The following CFAP54 variants were observed in gnomAD, a reference collection of about 807,000 sequenced individuals.
CFAP54 encodes the protein cilia- and flagella-associated protein 54.
A neutral mutation model predicts 370.4 loss-of-function variants in CFAP54; 290 were observed. That is an observed-to-expected ratio of 0.78 (90% confidence interval 0.71 to 0.86). The LOEUF (loss-of-function observed/expected upper bound fraction) is 0.86, where lower values mean the gene tolerates loss of function less well. Ranked by LOEUF, CFAP54 falls within the 40% of genes least tolerant of loss-of-function variation. The pLI is 0.00. For synonymous variants in CFAP54, 1,206 were observed against 1,236.5 expected, an observed-to-expected ratio of 0.98 and a Z score of 0.52; for missense variants, 3,399 against 3,528.7, an observed-to-expected ratio of 0.96 and a Z score of 0.93.
At chr12:96,801,835 A>G (rs1022949925) in intron 63 of CFAP54, among the ~76,000 whole-genome samples, 1 of 152,194 alleles carries the variant, frequency 6.6e-6, no homozygotes, top group Non-Finnish European at 1.5e-5. Context: ...TGCTGCTACA[A>G]ACGTTGTTGT....
At chr12:96,515,912 GTT>G (rs71437221) in intron 5 of CFAP54, among the ~76,000 whole-genome samples, 6 of 108,258 alleles carry the variant, frequency 5.5e-5, no homozygotes, top group African/African-American at 3.7e-5. Context: ...TTACCTCTAT[GTT>G]TTTTTTTTTT....
chr12:96,684,890 C>T (rs1957308850), intron 41 of CFAP54, 139 bp from the exon 42 acceptor site: 3 of 959,868 alleles, frequency 3.1e-6, no homozygotes, highest in Non-Finnish European at 4.7e-6. Flanking sequence ...CTGAGAGAAA[C>T]CATTAAGAAC....
intron 9 of CFAP54, among the ~76,000 whole-genome samples, chr12:96,532,166 T>A (rs1346941627): frequency 6.6e-6 from 1 of 152,270 alleles, no homozygotes; most frequent in African/African-American, 2.4e-5. Flanking sequence ...CTTTTCCATT[T>A]TCTTGCTTCT....
chr12:96,639,571 T>C (rs1004841679), intron 32 of CFAP54, among the ~76,000 whole-genome samples: 1 of 152,174 alleles, frequency 6.6e-6, no homozygotes, highest in Non-Finnish European at 1.5e-5. Flanking sequence ...CCTCCCTAAC[T>C]CATTTTATGA....
chr12:96,492,560 A>G (rs1954896161), intron 1 of CFAP54, among the ~76,000 whole-genome samples: 1 of 152,030 alleles, frequency 6.6e-6, no homozygotes, highest in Non-Finnish European at 1.5e-5. Context: ...TTTCTTGTGT[A>G]TTGTCTGTCT....
chr12:96,703,079 G>T (rs1957508589), intron 46 of CFAP54, among the ~76,000 whole-genome samples: 1 of 151,926 alleles, frequency 6.6e-6, no homozygotes, highest in Non-Finnish European at 1.5e-5. Context: ...TTCAAAGAAG[G>T]GAAAAATTTT....
intron 50 of CFAP54, among the ~76,000 whole-genome samples, chr12:96,727,991 G>A (rs533479793): frequency 6.6e-6 from 1 of 152,086 alleles, no homozygotes; most frequent in South Asian, 2.1e-4. Context: ...CTTTAAGAAT[G>A]TTGAATATTG....
chr12:96,802,957 C>T (rs1016599043), intron 63 of CFAP54, among the ~76,000 whole-genome samples: 9 of 152,132 alleles, frequency 5.9e-5, no homozygotes, highest in Admixed American at 4.6e-4. Flanking sequence ...TGTTAGTTTG[C>T]TGAGAAAATG....
Position 96,751,310 on chromosome 12 carries a change from A to G in CFAP54, c.7685-2433A>G, listed in dbSNP as rs570647407. Among the ~76,000 whole-genome samples the G allele has an allele frequency of 1.1e-4, 16 of 152,270 alleles. No homozygotes were observed. In the East Asian group the frequency reaches 2.5e-3, roughly 24 times the overall value. ...AAGCCAGTCCTCATCTCTGCCCTCAAGAAGCTTATTATCTAGTTAGGGAGG... is the reference window on the plus strand; with the variant it reads ...AAGCCAGTCCTCATCTCTGCCCTCAGGAAGCTTATTATCTAGTTAGGGAGG... On this transcript the variant is annotated intron_variant, in intron 55 of 67. Coordinates refer to ENST00000524981, the MANE Select transcript of CFAP54 (RefSeq NM_001306084.2).
chr12:96,595,579 A>G (rs1956169244), intron 25 of CFAP54, among the ~76,000 whole-genome samples: 1 of 152,138 alleles, frequency 6.6e-6, no homozygotes, highest in Non-Finnish European at 1.5e-5. Flanking sequence ...AAGACTAACT[A>G]GACAGCTTGA....
At chr12:96,696,672 A>T (rs1303409400) in intron 45 of CFAP54, among the ~76,000 whole-genome samples, 2 of 152,154 alleles carry the variant, frequency 1.3e-5, no homozygotes, top group Non-Finnish European at 2.9e-5. Flanking sequence ...GAATGACATG[A>T]TCATATCTGG....
intron 38 of CFAP54, among the ~76,000 whole-genome samples, chr12:96,660,276 G>A (rs1350920821): frequency 6.6e-6 from 1 of 152,174 alleles, no homozygotes; most frequent in Non-Finnish European, 1.5e-5. Flanking sequence ...AAGGGGCATG[G>A]GAGAAAGAGG....
chr12:96,570,026 T>A (rs1361119711), intron 19 of CFAP54, among the ~76,000 whole-genome samples: 1 of 152,210 alleles, frequency 6.6e-6, no homozygotes, highest in East Asian at 1.9e-4. Context: ...TCAGCCTGGC[T>A]GCAGTGCAGT....
At chr12:96,598,492 T>C (rs1267059427) in intron 25 of CFAP54, among the ~76,000 whole-genome samples, 153 bp from the exon 26 acceptor site, 1 of 152,026 alleles carries the variant, frequency 6.6e-6, no homozygotes, top group Non-Finnish European at 1.5e-5. Context: ...TATCTCAGTG[T>C]ACTCTCCTTT....
chr12:96,638,208 T>C (rs565148006), intron 32 of CFAP54, among the ~76,000 whole-genome samples: 13,884 of 91,274 alleles, frequency 0.15, 826 homozygotes, highest in Middle Eastern at 0.27. Flanking sequence ...TATATGCATG[T>C]GTGTGTGTGT....
In CFAP54 at chr12:96,688,904, ATACT is replaced by A. The variant is rs542116568; in HGVS notation, c.6015-5_6015-2del. ...TTCTACTAATCAATTTTTTTTTCTT[ATACT>A]TACTTAGATTTATTAAGTCATTGAA... On this transcript the variant is annotated splice_polypyrimidine_tract_variant and splice_region_variant and intron_variant, in intron 42 of 67. Coordinates refer to ENST00000524981, the MANE Select transcript of CFAP54 (RefSeq NM_001306084.2). 155 of 1,517,934 alleles carry A rather than the reference ATACT, an allele frequency of 1.0e-4. No individual in the cohort carries two copies. Among genetic ancestry groups the A allele is most frequent in the Non-Finnish European group, 1.3e-4 (149 of 1,120,076 alleles). 94.0% of individuals were successfully genotyped at this position (1,517,934 alleles called of 1,614,324 possible). A position where few individuals can be genotyped will look rare whatever the true frequency, so the allele number is the denominator to read the frequency against.
At chr12:96,606,401 G>A (rs535617420) in intron 26 of CFAP54, among the ~76,000 whole-genome samples, 38 of 152,332 alleles carry the variant, frequency 2.5e-4, no homozygotes, top group African/African-American at 7.7e-4. Context: ...AGCCATAGTC[G>A]TGCTTAGCAT....
rs188355083 is a variant in CFAP54, at chr12:96,563,631, A to G, written c.2411-837A>G. On this transcript the variant is annotated intron_variant, in intron 17 of 67. Transcript: ENST00000524981. Reference sequence around the variant, plus strand: ...CCCTTTGCCACTGCAGATGCCTTCTATTCTTCAATGGTGTATGTTAACATC... The same window carrying G: ...CCCTTTGCCACTGCAGATGCCTTCTGTTCTTCAATGGTGTATGTTAACATC... 2.7e-3 allele frequency among the ~76,000 whole-genome samples: 405 copies of G among 152,328 alleles called. 1 individual carries two copies. The highest frequency in any genetic ancestry group is 9.2e-3 in the African/African-American group (384 of 41,578).
In CFAP54 at chr12:96,641,485, G is replaced by A. The variant is rs928570840; in HGVS notation, c.4317-2693G>A. Among the ~76,000 whole-genome samples, 10 of 152,036 alleles carry A rather than the reference G, an allele frequency of 6.6e-5. No individual in the cohort carries two copies. In the South Asian group the frequency reaches 1.7e-3, roughly 25 times the overall value. ...ACACTTTTATGCTGTTGGTGGGACT[G>A]TAAACTAGTTCAACCTTTGTGGAAG... On this transcript the variant is annotated intron_variant, in intron 32 of 67. Coordinates refer to ENST00000524981, the MANE Select transcript of CFAP54 (RefSeq NM_001306084.2).
Sources: gnomAD v4.1 joint callset for allele counts (sites outside exome capture counted in the v4.1 genomes callset) on GRCh38, gnomAD v4.1.1 for gene constraint, MANE v1.5 for transcripts, NCBI Gene and HGNC (gene_info 2026-07-23, HGNC 2026-07-21) for gene names.